The following CFTR variants were observed in gnomAD, a reference collection of about 807,000 sequenced individuals.
CFTR encodes the protein CF transmembrane conductance regulator.
In CFTR, 181 loss-of-function variants were observed where a neutral mutation model predicts 171.6. That is an observed-to-expected ratio of 1.05 (90% CI 0.93 to 1.19). CFTR has a LOEUF of 1.19. Ranked by LOEUF, CFTR falls within the 50% of genes most tolerant of loss-of-function variation. The pLI is 0.00. For missense variants in CFTR, 1,968 were observed against 1,734.7 expected, an observed-to-expected ratio of 1.13 and a Z score of -2.39; for synonymous variants, 583 against 608.0, an observed-to-expected ratio of 0.96 and a Z score of 0.60.
chr7:117,639,154 A>G (rs539643586), intron 22 of CFTR, among the ~76,000 whole-genome samples: 3 of 152,354 alleles, frequency 2.0e-5, no homozygotes, highest in Non-Finnish European at 2.9e-5. Flanking sequence ...CACTTTGTCC[A>G]TAGCAATTAC....
intron 11 of CFTR, among the ~76,000 whole-genome samples, chr7:117,562,746 G>GGGCA (rs1791535900): frequency 6.6e-6 from 1 of 152,154 alleles, no homozygotes; most frequent in African/African-American, 2.4e-5. Context: ...GGTACCCTTA[G>GGGCA]GGCACTACAG....
At position 117,524,785 on chromosome 7, in the gene CFTR, T is replaced by G. The variant is rs556931830; in HGVS notation, c.274-6114T>G. ...GGCAATGGGCAAATATCCCGATTTA[T>G]TCACAGGGTGGCATGTTAGGCAGTG... On this transcript the variant is annotated intron_variant, in intron 3 of 26. Coordinates refer to ENST00000003084, the MANE Select transcript of CFTR (RefSeq NM_000492.4). Among the ~76,000 whole-genome samples the G allele has an allele frequency of 9.8e-5, 15 of 152,314 alleles. No homozygotes were observed. In the South Asian group the frequency reaches 2.9e-3, roughly 29 times the overall value.
chr7:117,604,675 A>T (rs1032735330), intron 17 of CFTR: 1 of 152,246 alleles, frequency 6.6e-6, no homozygotes, highest in African/African-American at 2.4e-5. Context: ...AACATGTAGG[A>T]AGATCTTGAT....
At chr7:117,587,000 C>G (rs1791945540) in intron 11 of CFTR, among the ~76,000 whole-genome samples, 1 of 152,166 alleles carries the variant, frequency 6.6e-6, no homozygotes, top group Admixed American at 6.5e-5. Flanking sequence ...AGGATTATGA[C>G]TTACCTTCTA....
At chr7:117,629,355 G>A (rs1792702891) in intron 22 of CFTR, among the ~76,000 whole-genome samples, 3 of 152,162 alleles carry the variant, frequency 2.0e-5, no homozygotes, top group Middle Eastern at 3.4e-3. Flanking sequence ...TTCTAGATTT[G>A]GACAGTCCTT....
chr7:117,591,847 TAAAACATTAACAA>T, intron 13 of CFTR, 74 bp from the exon 14 acceptor site: 2 of 839,688 alleles, frequency 2.4e-6, no homozygotes, highest in Non-Finnish European at 3.7e-6. Flanking sequence ...TTATATGCAA[TAAAACATTAACAA>T]AATGCTAAAA....
chr7:117,508,013 T>C (rs1210916599), intron 2 of CFTR, among the ~76,000 whole-genome samples: 2 of 152,192 alleles, frequency 1.3e-5, no homozygotes, highest in Non-Finnish European at 2.9e-5. Context: ...TGACCTCAAG[T>C]GATCTGCCCG....
chr7:117,587,778 G>T lies in CFTR; in HGVS notation c.1624G>T (p.Gly542Ter), dbSNP rs113993959. ...TGCAGAGAAAGACAATATAGTTCTT[G>T]GAGAAGGTGGAATCACACTGAGTGG... ...KFAEKDNIVL[G>*]EGGITLSGGQ... The change falls in exon 12 of 27, where the codon GGA (glycine) becomes TGA (stop). Residue 542 changes from glycine (G) to a stop codon, truncating the protein, a stop_gained. Coordinates refer to ENST00000003084, the MANE Select transcript of CFTR (RefSeq NM_000492.4). LOFTEE classifies it high-confidence loss of function. 585 of 1,612,120 alleles carry T rather than the reference G, an allele frequency of 3.6e-4. No individual in the cohort carries two copies. Among genetic ancestry groups the T allele is most frequent in the Admixed American group, 6.5e-4 (39 of 59,920 alleles).
chr7:117,547,531 T>G (rs1011361703), intron 9 of CFTR, among the ~76,000 whole-genome samples: 3 of 151,892 alleles, frequency 2.0e-5, no homozygotes, highest in Non-Finnish European at 2.9e-5. Context: ...TTAAAATAAT[T>G]AAATAATTTG....
chr7:117,612,054 C>CGTATAT (rs1562915207), intron 20 of CFTR, among the ~76,000 whole-genome samples: 1 of 46,518 alleles, frequency 2.1e-5, no homozygotes, highest in Non-Finnish European at 4.6e-5. Context: ...TATATATATA[C>CGTATAT]ATATATATAT....
At chr7:117,507,097 T>C (rs1798431326) in intron 2 of CFTR, among the ~76,000 whole-genome samples, 1 of 152,202 alleles carries the variant, frequency 6.6e-6, no homozygotes, top group South Asian at 2.1e-4. Context: ...AAGATTGTAG[T>C]CAGGATATGA....
intron 7 of CFTR, among the ~76,000 whole-genome samples, chr7:117,539,821 A>ATTATAATTTAAAAATAATAT (rs1161288310): frequency 2.0e-5 from 3 of 151,270 alleles, no homozygotes; most frequent in African/African-American, 4.8e-5. Flanking sequence ...CAAATTATTA[A>ATTATAATTTAAAAATAATAT]TTATAATTTA....
intron 23 of CFTR, among the ~76,000 whole-genome samples, chr7:117,644,435 G>A (rs1792967409): frequency 6.6e-6 from 1 of 151,536 alleles, no homozygotes; most frequent in African/African-American, 2.4e-5. Flanking sequence ...AAAAAAGGAA[G>A]AAGGAATTAA....
At chr7:117,515,175 T>C (rs1223398357) in intron 3 of CFTR, among the ~76,000 whole-genome samples, 1 of 152,202 alleles carries the variant, frequency 6.6e-6, no homozygotes, top group Non-Finnish European at 1.5e-5. Context: ...TTTGTCAATT[T>C]TGGCTTTTTT....
At chr7:117,602,250 G>T (rs1792238044) in intron 15 of CFTR, among the ~76,000 whole-genome samples, 1 of 152,206 alleles carries the variant, frequency 6.6e-6, no homozygotes. Context: ...TGGCCAGGCT[G>T]GCCTGAAACT....
intron 23 of CFTR, among the ~76,000 whole-genome samples, chr7:117,644,022 A>G (rs544353549): frequency 3.3e-5 from 5 of 151,786 alleles, no homozygotes; most frequent in African/African-American, 1.2e-4. Flanking sequence ...AAAATTCTTT[A>G]TCTTTTCTTT....
intron 16 of CFTR, among the ~76,000 whole-genome samples, chr7:117,603,186 A>G (rs956799330): frequency 6.6e-6 from 1 of 152,204 alleles, no homozygotes; most frequent in African/African-American, 2.4e-5. Flanking sequence ...AAAATAAAAT[A>G]AAATAAAATG....
At chr7:117,553,757 G>T (rs1485143039) in intron 10 of CFTR, among the ~76,000 whole-genome samples, 1 of 152,094 alleles carries the variant, frequency 6.6e-6, no homozygotes, top group South Asian at 2.1e-4. Flanking sequence ...TTAGGAAAAT[G>T]TACAAAGGAT....
rs138990074 is a variant in CFTR, at chr7:117,540,378, T to C, written c.1116+32T>C. 1.0e-5 allele frequency: 16 copies of C among 1,587,472 alleles called. No homozygotes were observed. Among genetic ancestry groups the C allele is most frequent in the Non-Finnish European group, 1.4e-5 (16 of 1,159,656 alleles). ...TACCATAATGCTGCATTATATACTA[T>C]GATTTAAATAATCAGTCAATAGATC... On this transcript the variant is annotated intron_variant, in intron 8 of 26. Transcript: ENST00000003084.
Sources: allele counts gnomAD v4.1 joint callset (sites outside exome capture counted in the v4.1 genomes callset), GRCh38; gene constraint gnomAD v4.1.1; transcripts MANE v1.5; gene names NCBI Gene and HGNC (gene_info 2026-07-23, HGNC 2026-07-21).